The following BCKDHB variants were observed in gnomAD, a reference collection of about 807,000 sequenced individuals.
BCKDHB encodes the protein 2-oxoisovalerate dehydrogenase subunit beta, mitochondrial.
In BCKDHB, 41 loss-of-function variants were observed where a neutral mutation model predicts 48.5. The observed-to-expected ratio is 0.85, with a 90% CI of 0.66 to 1.10. The LOEUF (loss-of-function observed/expected upper bound fraction) is 1.10. BCKDHB is among the 50% of genes least tolerant of loss of function. BCKDHB has a pLI of 0.00. For synonymous variants in BCKDHB, 201 were observed against 174.8 expected (o/e 1.15, Z -1.18); for missense variants, 496 against 494.2 (o/e 1.00, Z -0.03).
At chr6:80,449,918 G>A in the BCKDHB span, among the ~76,000 whole-genome samples, 1 of 152,098 alleles carries the variant, frequency 6.6e-6, no homozygotes, top group East Asian at 1.9e-4. Flanking sequence ...TTTCCAATAG[G>A]AAGTTGCTGC....
rs933411433 is a variant in BCKDHB, at chr6:80,328,336, G to A, written c.1039-15328G>A. Among the ~76,000 whole-genome samples, 9 of 152,044 alleles carry A rather than the reference G, an allele frequency of 5.9e-5. No homozygotes were observed. The East Asian group carries it at 1.4e-3, about 23-fold the overall frequency. ...ATCAGTGTACACTGGCAGTGTGGCT[G>A]ATTGAGTGGAAAAGGGAGAGCTACA... On this transcript the variant is annotated intron_variant, in intron 9 of 9. Coordinates refer to ENST00000320393, the MANE Select transcript of BCKDHB (RefSeq NM_183050.4).
chr6:80,416,440 A>T, the BCKDHB span, among the ~76,000 whole-genome samples: 1 of 151,760 alleles, frequency 6.6e-6, no homozygotes, highest in Non-Finnish European at 1.5e-5. Context: ...CCCTCTCAAC[A>T]CTGCTTTAGC....
chr6:80,440,253 C>T, the BCKDHB span, among the ~76,000 whole-genome samples: 1 of 152,136 alleles, frequency 6.6e-6, no homozygotes, highest in Non-Finnish European at 1.5e-5. Context: ...GAAATGTATG[C>T]ATGAGCCAAG....
At chr6:80,396,486 G>A in the BCKDHB span, among the ~76,000 whole-genome samples, 5 of 152,172 alleles carry the variant, frequency 3.3e-5, no homozygotes, top group Non-Finnish European at 7.4e-5. Flanking sequence ...CAAGACTGTT[G>A]GGAAGGCATG....
chr6:80,388,192 A>G, the BCKDHB span, among the ~76,000 whole-genome samples: 1 of 152,158 alleles, frequency 6.6e-6, no homozygotes, highest in Admixed American at 6.5e-5. Context: ...TGGGGTCCAG[A>G]ACTGGAGGAG....
intron 9 of BCKDHB, among the ~76,000 whole-genome samples, chr6:80,310,902 A>C (rs1479064732): frequency 1.3e-5 from 2 of 151,950 alleles, no homozygotes; most frequent in Non-Finnish European, 2.9e-5. Flanking sequence ...TCTTCTTTTG[A>C]GATGTGTCCT....
chr6:80,197,232 T>C (rs1229192174), intron 6 of BCKDHB, among the ~76,000 whole-genome samples: 1 of 152,224 alleles, frequency 6.6e-6, no homozygotes, highest in Non-Finnish European at 1.5e-5. Context: ...AAATATGTTT[T>C]AAATTAAATT....
intron 9 of BCKDHB, among the ~76,000 whole-genome samples, chr6:80,292,527 A>G (rs947832584): frequency 6.6e-6 from 1 of 152,154 alleles, no homozygotes; most frequent in African/African-American, 2.4e-5. Flanking sequence ...GGTCCCTCCC[A>G]TGACGTGGGA....
At chr6:80,179,482 T>C (rs1372915539) in intron 6 of BCKDHB, among the ~76,000 whole-genome samples, 1 of 152,110 alleles carries the variant, frequency 6.6e-6, no homozygotes, top group East Asian at 1.9e-4. Context: ...TTATAAGTAA[T>C]CTAGATATGA....
chr6:80,438,387 C>A, the BCKDHB span, among the ~76,000 whole-genome samples: 8 of 152,050 alleles, frequency 5.3e-5, no homozygotes, highest in Non-Finnish European at 8.8e-5. Context: ...TCTATTTTTT[C>A]TATTACAAAA....
the BCKDHB span, among the ~76,000 whole-genome samples, chr6:80,359,849 C>T: frequency 1.1e-4 from 17 of 152,100 alleles, no homozygotes; most frequent in African/African-American, 2.4e-4. Flanking sequence ...CCTTGGCCTC[C>T]GAAGTGCTGG....
intron 8 of BCKDHB, among the ~76,000 whole-genome samples, chr6:80,266,683 C>T (rs1460373948): frequency 2.0e-5 from 3 of 152,016 alleles, no homozygotes; most frequent in African/African-American, 7.2e-5. Flanking sequence ...TGGCCCAGGG[C>T]AGTCCTCTAT....
chr6:80,138,910 G>C (rs1771036698), intron 3 of BCKDHB, among the ~76,000 whole-genome samples: 2 of 152,174 alleles, frequency 1.3e-5, no homozygotes, highest in Admixed American at 1.3e-4. Flanking sequence ...CTAGTTTATA[G>C]TCCCAGCAAC....
chr6:80,207,856 A>G lies in BCKDHB; in HGVS notation c.951+4644A>G, dbSNP rs72892478. ...ACATAGTTTGAAAATAAATAAAGCC[A>G]TAAACTAAACAAAGAAAACACAGAA... On this transcript the variant is annotated intron_variant, in intron 8 of 9. Coordinates refer to ENST00000320393, the MANE Select transcript of BCKDHB (RefSeq NM_183050.4). Among the ~76,000 whole-genome samples, 389 of 151,994 alleles carry G rather than the reference A, an allele frequency of 2.6e-3. 1 individual carries two copies. Among genetic ancestry groups the G allele is most frequent in the Non-Finnish European group, 4.7e-3 (317 of 67,778 alleles).
At chr6:80,291,205 C>T (rs1162381875) in intron 9 of BCKDHB, among the ~76,000 whole-genome samples, 2 of 152,092 alleles carry the variant, frequency 1.3e-5, no homozygotes, top group African/African-American at 2.4e-5. Context: ...TTTCTCCCCT[C>T]CCTTAAAAGA....
chr6:80,296,984 T>C (rs1383176564), intron 9 of BCKDHB, among the ~76,000 whole-genome samples: 1 of 152,242 alleles, frequency 6.6e-6, no homozygotes, highest in Non-Finnish European at 1.5e-5. Context: ...GTCTCAATTA[T>C]GTGTTATAGC....
At chr6:80,360,431 A>G in the BCKDHB span, among the ~76,000 whole-genome samples, 1 of 152,222 alleles carries the variant, frequency 6.6e-6, no homozygotes, top group African/African-American at 2.4e-5. Flanking sequence ...CTCAATGAAT[A>G]ATGGAATTTG....
At chr6:80,308,597 C>CTTCT (rs71551701) in intron 9 of BCKDHB, among the ~76,000 whole-genome samples, 3 of 138,628 alleles carry the variant, frequency 2.2e-5, no homozygotes, top group South Asian at 2.3e-4. Flanking sequence ...TCTTCTTCTT[C>CTTCT]TTTTTTTTTT....
Position 80,203,168 on chromosome 6 carries a change from G to C in BCKDHB, c.907G>C (p.Asp303His). ...GCTTGGAGTGTCTTGTGAAGTCATTGATCTGAGGACTATAATACCTTGGGA... is the reference window on the plus strand; with the variant it reads ...GCTTGGAGTGTCTTGTGAAGTCATTCATCTGAGGACTATAATACCTTGGGA... ...EKLGVSCEVI[D>H]LRTIIPWDVD... Residue 303 changes from aspartate to histidine, a missense_variant, in exon 8 of 10, where the codon GAT becomes CAT. Asp to His is a moderately conservative substitution (Grantham distance 81). Transcript: ENST00000320393. The C allele has an allele frequency of 6.2e-7, 1 of 1,612,634 alleles. No individual in the cohort carries two copies. The highest frequency in any genetic ancestry group is 8.5e-7 in the Non-Finnish European group (1 of 1,178,892).
Sources: gnomAD v4.1 joint callset for allele counts (sites outside exome capture counted in the v4.1 genomes callset) on GRCh38, gnomAD v4.1.1 for gene constraint, MANE v1.5 for transcripts, NCBI Gene and HGNC (gene_info 2026-07-23, HGNC 2026-07-21) for gene names.